CNGA1: variants seen among roughly 807,000 people sequenced by gnomAD.
CNGA1 encodes the protein cyclic nucleotide-gated channel alpha-1.
CNGA1 carries 53 observed loss-of-function variants against 69.7 expected under a neutral mutation model. The observed-to-expected ratio is 0.76, with a 90% CI of 0.61 to 0.96. CNGA1 has a LOEUF of 0.96. Ranked by LOEUF, CNGA1 falls within the 40% of genes least tolerant of loss-of-function variation. The probability of loss-of-function intolerance (pLI) is 0.00; values close to 1 mark genes in which losing one functional copy is unlikely to be tolerated. For missense variants in CNGA1, 739 were observed against 811.2 expected, an observed-to-expected ratio of 0.91 and a Z score of 1.08; for synonymous variants, 249 against 283.5, an observed-to-expected ratio of 0.88 and a Z score of 1.22.
At chr4:47,938,753 A>G (rs1738855376) in intron 10 of CNGA1, among the ~76,000 whole-genome samples, 9 of 151,898 alleles carry the variant, frequency 5.9e-5, no homozygotes, top group Admixed American at 5.9e-4. Context: ...AGAGCTCTTT[A>G]TCCCTTGATA....
chr4:47,971,257 A>G (rs1741009484), intron 3 of CNGA1, among the ~76,000 whole-genome samples: 1 of 151,946 alleles, frequency 6.6e-6, no homozygotes, highest in Non-Finnish European at 1.5e-5. Context: ...AAGTGGTAAC[A>G]GTGATTGCCT....
At chr4:47,984,351 C>T (rs1741878444) in intron 2 of CNGA1, among the ~76,000 whole-genome samples, 1 of 152,034 alleles carries the variant, frequency 6.6e-6, no homozygotes, top group African/African-American at 2.4e-5. Flanking sequence ...GGTGTGGTGG[C>T]TCACACCTGT....
chr4:47,943,633 A>G (rs1739226439), intron 6 of CNGA1, among the ~76,000 whole-genome samples: 2 of 152,202 alleles, frequency 1.3e-5, no homozygotes, highest in Admixed American at 1.3e-4. Flanking sequence ...TAGATTTGGG[A>G]AATAGAAACA....
At chr4:47,942,586 C>T (rs1739154304) in intron 8 of CNGA1, among the ~76,000 whole-genome samples, 1 of 152,074 alleles carries the variant, frequency 6.6e-6, no homozygotes, top group Non-Finnish European at 1.5e-5. Context: ...GGTCCCCAAC[C>T]CCCGGGCTGT....
chr4:47,939,079 G>A (rs973056955), intron 10 of CNGA1, among the ~76,000 whole-genome samples: 5 of 152,082 alleles, frequency 3.3e-5, no homozygotes, highest in Non-Finnish European at 7.4e-5. Flanking sequence ...GAAAGAAAAA[G>A]AAAAGTGTCT....
At chr4:47,975,126 T>C (rs997356887) in intron 3 of CNGA1, among the ~76,000 whole-genome samples, 1 of 152,204 alleles carries the variant, frequency 6.6e-6, no homozygotes, top group Non-Finnish European at 1.5e-5. Context: ...ATGATTAATC[T>C]TTCTTTAATC....
chr4:47,977,620 G>A (rs1341626384), intron 3 of CNGA1, among the ~76,000 whole-genome samples: 2 of 152,050 alleles, frequency 1.3e-5, no homozygotes, highest in Admixed American at 6.6e-5. Flanking sequence ...CCCCAGACTT[G>A]AGGACAGGTC....
intron 2 of CNGA1, among the ~76,000 whole-genome samples, chr4:48,002,305 A>G (rs551979004): frequency 6.6e-6 from 1 of 152,330 alleles, no homozygotes; most frequent in East Asian, 1.9e-4. Flanking sequence ...CTGATTGAGA[A>G]AAAGATTACC....
At chr4:47,975,530 T>C (rs1741301125) in intron 3 of CNGA1, among the ~76,000 whole-genome samples, 1 of 152,194 alleles carries the variant, frequency 6.6e-6, no homozygotes, top group African/African-American at 2.4e-5. Flanking sequence ...CAATACTCCT[T>C]TCTTTAAACA....
chr4:47,993,645 T>G (rs1466706843), intron 2 of CNGA1, among the ~76,000 whole-genome samples: 1 of 152,098 alleles, frequency 6.6e-6, no homozygotes, highest in Non-Finnish European at 1.5e-5. Context: ...CAGTTTTTTG[T>G]TTCATTTATC....
chr4:47,966,428 A>C (rs922391102), intron 3 of CNGA1, among the ~76,000 whole-genome samples: 1 of 152,196 alleles, frequency 6.6e-6, no homozygotes. Context: ...TAAATTTAGC[A>C]TGCATATACT....
chr4:47,943,207 CTCTT>C lies in CNGA1; in HGVS notation c.407_410del (p.Lys136ArgfsTer57), dbSNP rs1739198271. On this transcript the variant is annotated frameshift_variant, in exon 8 of 11. Coordinates refer to ENST00000514170, the MANE Select transcript of CNGA1 (RefSeq NM_001379270.1). LOFTEE classifies it high-confidence loss of function. Reference sequence around the variant, plus strand: ...CTTCTTTCTTATCTTTGCTTTTCTCCTCTTTCTTTTTCTTCTCTTTGTCCTTTTT... The same window carrying C: ...CTTCTTTCTTATCTTTGCTTTTCTCCTCTTTTTCTTCTCTTTGTCCTTTTT... The C allele has an allele frequency of 2.5e-6, 4 of 1,607,630 alleles. No homozygotes were observed. The highest frequency in any genetic ancestry group is 1.1e-5 in the South Asian group (1 of 90,314).
intron 2 of CNGA1, among the ~76,000 whole-genome samples, chr4:47,982,328 C>A (rs547088121): frequency 1.8e-4 from 28 of 152,300 alleles, no homozygotes; most frequent in African/African-American, 6.5e-4. Context: ...GAACAATGAA[C>A]AACCGAGTAA....
intron 3 of CNGA1, among the ~76,000 whole-genome samples, chr4:47,955,985 G>A (rs900678178): frequency 6.6e-6 from 1 of 152,178 alleles, no homozygotes; most frequent in Admixed American, 6.5e-5. Flanking sequence ...ATGGTTCTTA[G>A]GGCGACAGAT....
rs1553868839 is a variant in CNGA1, at chr4:47,984,640, T to TAAAA, written c.-122-3144_-122-3141dup. The stretch of plus-strand genomic sequence containing the variant: ...CATCTCAAAAAAACAAACAAACAAA[T>TAAAA]AAAAAAAATATATATATATATATAC... On this transcript the variant is annotated intron_variant, in intron 2 of 10. Coordinates refer to ENST00000514170, the MANE Select transcript of CNGA1 (RefSeq NM_001379270.1). 2.9e-5 allele frequency among the ~76,000 whole-genome samples: 3 copies of TAAAA among 103,656 alleles called. No individual in the cohort carries two copies. In the East Asian group the frequency reaches 8.1e-4, roughly 28 times the overall value. The allele number at this position is 103,656 out of a possible 152,430, so 68.0% of individuals were successfully genotyped here.
chr4:47,989,689 T>C (rs1371432166), intron 2 of CNGA1, among the ~76,000 whole-genome samples: 1 of 151,984 alleles, frequency 6.6e-6, no homozygotes, highest in Non-Finnish European at 1.5e-5. Flanking sequence ...CTGGTGGTGT[T>C]TGGTTACATG....
At chr4:47,941,641 A>G (rs1426844695) in intron 9 of CNGA1, among the ~76,000 whole-genome samples, 1 of 152,176 alleles carries the variant, frequency 6.6e-6, no homozygotes, top group Admixed American at 6.5e-5. Flanking sequence ...CAGGTGGGAA[A>G]AGGGAGAGAA....
intron 6 of CNGA1, 75 bp downstream of exon 6, chr4:47,949,758 T>C (rs1261058688): frequency 1.9e-6 from 2 of 1,048,212 alleles, no homozygotes; most frequent in Non-Finnish European, 3.0e-6. Flanking sequence ...CTATAACAGA[T>C]TCAGATATAT....
chr4:47,967,148 C>G (rs1253536638), intron 3 of CNGA1, among the ~76,000 whole-genome samples: 1 of 151,962 alleles, frequency 6.6e-6, no homozygotes, highest in Admixed American at 6.6e-5. Context: ...ACTAAAAATA[C>G]AAAAATTAGC....
Sources: allele counts gnomAD v4.1 joint callset (sites outside exome capture counted in the v4.1 genomes callset), GRCh38; gene constraint gnomAD v4.1.1; transcripts MANE v1.5; gene names NCBI Gene and HGNC (gene_info 2026-07-23, HGNC 2026-07-21).